Variants in DNMT1 observed in about 807,000 individuals in gnomAD.
The protein encoded by DNMT1 is DNA (cytosine-5)-methyltransferase 1.
DNMT1 carries 24 observed loss-of-function variants against 205.3 expected under a neutral mutation model. The ratio of observed to expected loss-of-function variants is 0.12; its 90% CI spans 0.08 to 0.16. The LOEUF (loss-of-function observed/expected upper bound fraction) is 0.16, where lower values mean the gene tolerates loss of function less well. Ranked by LOEUF, DNMT1 falls within the 10% of genes least tolerant of loss-of-function variation. The pLI is 1.00. For synonymous variants in DNMT1, 817 were observed against 839.8 expected (o/e 0.97, Z 0.47); for missense variants, 1,293 against 2,177.7 (o/e 0.59, Z 8.09).
intron 17 of DNMT1, among the ~76,000 whole-genome samples, chr19:10,158,953 T>G (rs763933435): frequency 3.9e-5 from 6 of 152,162 alleles, no homozygotes; most frequent in Non-Finnish European, 7.3e-5. Flanking sequence ...CTCCTCCCAC[T>G]TATTCTCTCT....
chr19:10,140,922 G>A lies in DNMT1; in HGVS notation c.3395-13C>T. ...GGCTTGCCCTTCCCTGGGGGAGAGA[G>A]GCCAGAGGCTAAACCCGATCCTCAG... On this transcript the variant is annotated splice_polypyrimidine_tract_variant and intron_variant, in intron 31 of 40. Transcript: ENST00000359526. This position sits in a 1 kb window ranked among gnomAD's most constrained non-coding sequence, Gnocchi z 8.4. 6.2e-7 allele frequency: 1 copy of A among 1,613,884 alleles called. No individual in the cohort carries two copies. Among genetic ancestry groups the A allele is most frequent in the Non-Finnish European group, 8.5e-7 (1 of 1,180,042 alleles).
Position 10,180,828 on chromosome 19 carries a change from T to C in DNMT1, c.175A>G (p.Asn59Asp), listed in dbSNP as rs2039032693. 1 of 1,614,210 alleles carries C rather than the reference T, an allele frequency of 6.2e-7. No homozygotes were observed. The highest frequency in any genetic ancestry group is 8.5e-7 in the Non-Finnish European group (1 of 1,180,040). Residue 59 changes from asparagine (N) to aspartate (D), a missense_variant, in exon 3 of 41, where the codon AAT becomes GAT. Around this residue, in one of 13 missense-constraint regions of DNMT1, gnomAD observed 394 missense variants for 451.6 expected, o/e 0.87. Coordinates refer to ENST00000359526, the MANE Select transcript of DNMT1 (RefSeq NM_001130823.3). The part of the protein sequence containing the change: ...LHEFLQTEIK[N>D]QLCDLETKLR... The stretch of plus-strand genomic sequence containing the variant: ...TTGGTTTCCAAGTCACATAACTGAT[T>C]CTTTATTTCTGTTTGCAGAAATTCG...
intron 39 of DNMT1, chr19:10,135,446 G>T: frequency 2.1e-6 from 1 of 476,838 alleles, no homozygotes; most frequent in Non-Finnish European, 3.9e-6. Flanking sequence ...TACAGCGAGT[G>T]AGCTGTCGCC....
intron 39 of DNMT1, 45 bp from the exon 40 acceptor site, chr19:10,134,352 C>T (rs775683677): frequency 1.3e-5 from 20 of 1,584,684 alleles, no homozygotes; most frequent in Non-Finnish European, 1.6e-5. Context: ...ACACCCAGGC[C>T]CAAGGCCCGG....
intron 1 of DNMT1, among the ~76,000 whole-genome samples, chr19:10,192,996 G>A (rs996664305): frequency 2.0e-5 from 3 of 151,948 alleles, no homozygotes; most frequent in Non-Finnish European, 4.4e-5. Context: ...GCAGTGAGCC[G>A]AGATCACGCC....
intron 1 of DNMT1, among the ~76,000 whole-genome samples, chr19:10,188,514 T>C (rs1210537162): frequency 2.0e-5 from 3 of 152,182 alleles, no homozygotes; most frequent in Non-Finnish European, 4.4e-5. Flanking sequence ...CACTCCAGCC[T>C]GGGTGACAGA....
chr19:10,186,012 G>A (rs1180807635), intron 1 of DNMT1, among the ~76,000 whole-genome samples: 2 of 152,056 alleles, frequency 1.3e-5, no homozygotes, highest in African/African-American at 4.8e-5. Context: ...ACACGCTGTG[G>A]TAATAGCGTT....
Position 10,146,219 on chromosome 19 carries a change from A to G in DNMT1, c.2894+132T>C, listed in dbSNP as rs928979646. 6.5e-5 allele frequency: 71 copies of G among 1,085,194 alleles called. No homozygotes were observed. Among genetic ancestry groups the G allele is most frequent in the Non-Finnish European group, 8.6e-5 (65 of 756,750 alleles). The allele number at this position is 1,085,194 out of a possible 1,614,324, so 67.2% of individuals were successfully genotyped here. A position where few individuals can be genotyped will look rare whatever the true frequency, so the allele number is the denominator to read the frequency against. On this transcript the variant is annotated intron_variant, in intron 28 of 40. Coordinates refer to ENST00000359526, the MANE Select transcript of DNMT1 (RefSeq NM_001130823.3). This position sits in a 1 kb window ranked among gnomAD's most constrained non-coding sequence, Gnocchi z 4.4. ...GATTTATGTTGTCTGTTTGCCACCT[A>G]TGCCAACGTGACGGCTAGGACAACA...
chr19:10,145,782 G>T (rs1251225519), intron 28 of DNMT1, among the ~76,000 whole-genome samples: 1 of 152,210 alleles, frequency 6.6e-6, no homozygotes, highest in Admixed American at 6.5e-5. Flanking sequence ...CAGAACTTGG[G>T]GGTGGGCCCC....
rs374476495 is a variant in DNMT1, at chr19:10,154,302, G to T, written c.2010C>A (p.Gly670=). 1.2e-6 allele frequency: 2 copies of T among 1,614,066 alleles called. No homozygotes were observed. Among genetic ancestry groups the T allele is most frequent in the Non-Finnish European group, 1.7e-6 (2 of 1,179,938 alleles). The change falls in exon 22 of 41, where the codon GGC becomes GGA. Residue 670 remains glycine, a synonymous_variant. Transcript: ENST00000359526. This position sits in a 1 kb window ranked among gnomAD's most constrained non-coding sequence, Gnocchi z 6.3. ...KENAFKRRRC[G]VCEVCQQPEC... ...CCACAGGTGAGGTTACCTCACAGAC[G>T]CCACATCGCCGGCGCTTAAAGGCGT...
At position 10,151,677 on chromosome 19, in the gene DNMT1, G is replaced by A; in HGVS notation, c.2117+73C>T. 2 of 1,606,026 alleles carry A rather than the reference G, an allele frequency of 1.2e-6. No individual in the cohort carries two copies. The highest frequency in any genetic ancestry group is 1.7e-6 in the Non-Finnish European group (2 of 1,173,442). On this transcript the variant is annotated intron_variant, in intron 23 of 40. Transcript: ENST00000359526. The surrounding 1 kb of genome is among the most constrained non-coding windows in gnomAD (Gnocchi z 5.0). Reference sequence around the variant, plus strand: ...TCCTGGTGCTGTCCCACACATGCAGGCCCTTCTCCACAGTGCATCTGCCAC... The same window carrying A: ...TCCTGGTGCTGTCCCACACATGCAGACCCTTCTCCACAGTGCATCTGCCAC...
chr19:10,151,883 G>C lies in DNMT1; in HGVS notation c.2020-36C>G. ...GCATTAAAAAGGCAAATCAGGGCTG[G>C]GCACAGTGGTTCATGCCTGTAATCC... On this transcript the variant is annotated intron_variant, in intron 22 of 40. Coordinates refer to ENST00000359526, the MANE Select transcript of DNMT1 (RefSeq NM_001130823.3). This position sits in a 1 kb window ranked among gnomAD's most constrained non-coding sequence, Gnocchi z 5.0. The C allele has an allele frequency of 6.3e-7, 1 of 1,597,398 alleles. No homozygotes were observed. The highest frequency in any genetic ancestry group is 8.6e-7 in the Non-Finnish European group (1 of 1,165,272).
intron 5 of DNMT1, among the ~76,000 whole-genome samples, chr19:10,177,965 A>G (rs1226987974): frequency 6.6e-6 from 1 of 151,802 alleles, no homozygotes; most frequent in African/African-American, 2.4e-5. Context: ...GAAAGAAAGA[A>G]AAAAAAGAAA....
At position 10,156,305 on chromosome 19, in the gene DNMT1, C is replaced by T. The variant is rs1051285256; in HGVS notation, c.1399+86G>A. On this transcript the variant is annotated intron_variant, in intron 18 of 40. Coordinates refer to ENST00000359526, the MANE Select transcript of DNMT1 (RefSeq NM_001130823.3). The surrounding 1 kb of genome is among the most constrained non-coding windows in gnomAD (Gnocchi z 4.2). Reference sequence around the variant, plus strand: ...CAAGTGATCCTCTGGCCTCAGACCCCCAAAGTGCTAGGATTACAGATGTGA... The same window carrying T: ...CAAGTGATCCTCTGGCCTCAGACCCTCAAAGTGCTAGGATTACAGATGTGA... 1.8e-6 allele frequency: 2 copies of T among 1,115,326 alleles called. No individual in the cohort carries two copies. Among genetic ancestry groups the T allele is most frequent in the Admixed American group, 1.7e-5 (1 of 58,728 alleles). The allele number at this position is 1,115,326 out of a possible 1,614,324, so 69.1% of individuals were successfully genotyped here.
At chr19:10,160,887 T>C (rs1352548601) in intron 13 of DNMT1, among the ~76,000 whole-genome samples, 2 of 152,024 alleles carry the variant, frequency 1.3e-5, no homozygotes, top group Non-Finnish European at 2.9e-5. Context: ...TGAGACTCCA[T>C]CTCAAAATAA....
chr19:10,185,843 G>GA (rs57377594), intron 1 of DNMT1, among the ~76,000 whole-genome samples: 9,849 of 70,742 alleles, frequency 0.14, 728 homozygotes, highest in East Asian at 0.43. Context: ...TGTCTCAAAA[G>GA]AAAAAAAAAA....
intron 1 of DNMT1, among the ~76,000 whole-genome samples, chr19:10,185,020 T>A (rs73013067): frequency 0.068 from 10,331 of 152,266 alleles, 459 homozygotes; most frequent in Non-Finnish European, 0.098. Context: ...CCAGCGCCGC[T>A]CACATATGAG....
Position 10,138,093 on chromosome 19 carries a change from A to G in DNMT1, c.4116-84T>C. ...CACAGGTGCCACCCCCTGCCTGCTCAGATGGCCTTCTCCCGAGATCACAGC... is the reference window on the plus strand; with the variant it reads ...CACAGGTGCCACCCCCTGCCTGCTCGGATGGCCTTCTCCCGAGATCACAGC... On this transcript the variant is annotated intron_variant, in intron 35 of 40. Transcript: ENST00000359526. This position sits in a 1 kb window ranked among gnomAD's most constrained non-coding sequence, Gnocchi z 4.1. The G allele has an allele frequency of 8.1e-6, 12 of 1,484,698 alleles. No homozygotes were observed. In the South Asian group the frequency reaches 1.2e-4, roughly 15 times the overall value. The allele number at this position is 1,484,698 out of a possible 1,614,324, so 92.0% of individuals were successfully genotyped here. A position where few individuals can be genotyped will look rare whatever the true frequency, so the allele number is the denominator to read the frequency against.
rs765347113 is a variant in DNMT1, at chr19:10,137,147, T to C, written c.4427A>G (p.His1476Arg). The change falls in exon 37 of 41, where the codon CAT becomes CGT. Residue 1476 changes from histidine to arginine, a missense_variant. His to Arg is a conservative substitution (Grantham distance 29, BLOSUM62 0). Around this residue, in one of 13 missense-constraint regions of DNMT1, gnomAD observed 148 missense variants for 256.1 expected, o/e 0.58. Coordinates refer to ENST00000359526, the MANE Select transcript of DNMT1 (RefSeq NM_001130823.3). The surrounding 1 kb of genome is among the most constrained non-coding windows in gnomAD (Gnocchi z 6.4). The stretch of plus-strand genomic sequence containing the variant: ...GCTGCTGCGGCCGTTCTTCCTGTCA[T>C]GGTGGGTATACCGCAGCTTCCTGGC... ...TMARKLRYTHHDRKNGRSSSG... is the reference protein window; with the variant it reads ...TMARKLRYTHRDRKNGRSSSG... 6.8e-6 allele frequency: 11 copies of C among 1,610,676 alleles called. No individual in the cohort carries two copies. In the Admixed American group the frequency reaches 1.0e-4, roughly 15 times the overall value.
Sources: gnomAD v4.1 joint callset for allele counts (sites outside exome capture counted in the v4.1 genomes callset) on GRCh38, gnomAD v4.1.1 for gene constraint, gnomAD v4.1.1 regional missense constraint, Gnocchi (gnomAD v3.1) non-coding constraint, MANE v1.5 for transcripts, NCBI Gene and HGNC (gene_info 2026-07-23, HGNC 2026-07-21) for gene names.